Variants in CCDC178 observed in about 807,000 individuals in gnomAD.
The protein encoded by CCDC178 is coiled-coil domain-containing protein 178.
CCDC178 carries 126 observed loss-of-function variants against 117.4 expected under a neutral mutation model. The ratio of observed to expected loss-of-function variants is 1.07; its 90% CI spans 0.93 to 1.24. The LOEUF (loss-of-function observed/expected upper bound fraction) is 1.24. CCDC178 is among the 50% of genes most tolerant of loss of function. CCDC178 has a pLI of 0.00. For synonymous variants in CCDC178, 283 were observed against 313.4 expected (o/e 0.90, Z 1.02); for missense variants, 1,030 against 986.9 (o/e 1.04, Z -0.59).
chr18:33,249,486 G>C (rs898866947), intron 14 of CCDC178, among the ~76,000 whole-genome samples: 1 of 152,036 alleles, frequency 6.6e-6, no homozygotes, highest in South Asian at 2.1e-4. Flanking sequence ...TTCTACCTAT[G>C]GCTAGCTAGT....
chr18:33,321,778 T>C (rs188795675), intron 11 of CCDC178, among the ~76,000 whole-genome samples: 186 of 151,374 alleles, frequency 1.2e-3, no homozygotes, highest in African/African-American at 4.5e-3. Context: ...ATGTGGCAAA[T>C]AGAGTAAGTT....
chr18:33,194,976 AG>A (rs1245884044), intron 20 of CCDC178, among the ~76,000 whole-genome samples: 2 of 149,420 alleles, frequency 1.3e-5, no homozygotes, highest in African/African-American at 4.9e-5. Flanking sequence ...GAAAATAGCC[AG>A]GTGCAGTGGT....
intron 9 of CCDC178, among the ~76,000 whole-genome samples, chr18:33,335,666 TA>T (rs2062730492): frequency 1.3e-5 from 2 of 152,080 alleles, no homozygotes; most frequent in Admixed American, 1.3e-4. Flanking sequence ...TTATGTAATA[TA>T]TTTTTCATTT....
intron 5 of CCDC178, among the ~76,000 whole-genome samples, chr18:33,371,818 C>CACACAT (rs1427770794): frequency 6.7e-6 from 1 of 149,230 alleles, no homozygotes; most frequent in Admixed American, 6.7e-5. Context: ...CACACACACA[C>CACACAT]ATATGTAATA....
In CCDC178 at chr18:33,245,311, G is replaced by C. The variant is rs1308572030; in HGVS notation, c.1527C>G (p.Phe509Leu). ...YKEAYRIGTLFHLTKHKTDEM... is the reference protein window; with the variant it reads ...YKEAYRIGTLLHLTKHKTDEM... ...CATCTGTCTTGTGTTTGGTTAGGTG[G>C]AAAAGAGTACCAATGCGATAAGCCT... The change falls in exon 15 of 23, where the codon TTC (phenylalanine) becomes TTG (leucine). Residue 509 changes from phenylalanine to leucine, a missense_variant. Coordinates refer to ENST00000383096, the MANE Select transcript of CCDC178 (RefSeq NM_001105528.4). The C allele has an allele frequency of 6.2e-7, 1 of 1,606,498 alleles. No homozygotes were observed. Among genetic ancestry groups the C allele is most frequent in the Non-Finnish European group, 8.5e-7 (1 of 1,176,544 alleles).
intron 22 of CCDC178, among the ~76,000 whole-genome samples, chr18:32,962,598 C>T (rs1226836647): frequency 6.6e-6 from 1 of 151,970 alleles, no homozygotes; most frequent in East Asian, 1.9e-4. Context: ...CTTCTAGTCT[C>T]CATTTTTTCT....
intron 20 of CCDC178, among the ~76,000 whole-genome samples, chr18:33,184,713 A>T (rs1038845908): frequency 1.3e-5 from 2 of 152,068 alleles, no homozygotes; most frequent in Admixed American, 6.6e-5. Context: ...TTCCAATTAT[A>T]TTTCCTTTAG....
At chr18:33,253,066 A>G (rs1311029866) in intron 14 of CCDC178, among the ~76,000 whole-genome samples, 1 of 151,850 alleles carries the variant, frequency 6.6e-6, no homozygotes, top group African/African-American at 2.4e-5. Flanking sequence ...TGTTTGCTCA[A>G]GTCAAATGTC....
chr18:33,258,867 G>T lies in CCDC178; in HGVS notation c.1409+8049C>A, dbSNP rs2059710160. Among the ~76,000 whole-genome samples, 5 of 152,132 alleles carry T rather than the reference G, an allele frequency of 3.3e-5. No homozygotes were observed. In the South Asian group the frequency reaches 1.0e-3, roughly 32 times the overall value. ...GAAGCTATTTCTCAAAGTGCTAAAAGATAAAAATTATTAATCTCTATATTA... is the reference window on the plus strand; with the variant it reads ...GAAGCTATTTCTCAAAGTGCTAAAATATAAAAATTATTAATCTCTATATTA... On this transcript the variant is annotated intron_variant, in intron 14 of 22. Transcript: ENST00000383096.
At chr18:33,427,455 TC>T (rs201270574) in intron 2 of CCDC178, among the ~76,000 whole-genome samples, 1,685 of 152,244 alleles carry the variant, frequency 0.011, 36 homozygotes, top group African/African-American at 0.039. Flanking sequence ...ATATCATTGT[TC>T]CACATCTTTC....
chr18:33,245,456 T>A, intron 14 of CCDC178, 28 bp from the exon 15 acceptor site: 1 of 1,453,298 alleles, frequency 6.9e-7, no homozygotes, highest in Non-Finnish European at 9.2e-7. Flanking sequence ...AAATTAATAT[T>A]ATTGAGTATA....
chr18:33,403,334 G>A (rs1010239069), intron 3 of CCDC178, among the ~76,000 whole-genome samples: 1 of 152,002 alleles, frequency 6.6e-6, no homozygotes, highest in Non-Finnish European at 1.5e-5. Flanking sequence ...GGCCACAGAG[G>A]GCTTCAGAGA....
At chr18:33,113,988 T>C (rs1741861514) in intron 20 of CCDC178, among the ~76,000 whole-genome samples, 3 of 152,014 alleles carry the variant, frequency 2.0e-5, no homozygotes, top group Admixed American at 1.3e-4. Flanking sequence ...GCCAGCATTA[T>C]TATAGATGCT....
intron 11 of CCDC178, among the ~76,000 whole-genome samples, chr18:33,317,413 G>A (rs1204433591): frequency 6.6e-6 from 1 of 152,128 alleles, no homozygotes; most frequent in African/African-American, 2.4e-5. Flanking sequence ...AACAAACTCT[G>A]GACACGCCGC....
chr18:32,977,357 G>A (rs977848544), intron 21 of CCDC178, among the ~76,000 whole-genome samples: 51 of 152,098 alleles, frequency 3.4e-4, no homozygotes, highest in Non-Finnish European at 7.2e-4. Flanking sequence ...CAAGGGTTCC[G>A]TAGACCTTTG....
chr18:33,011,594 T>C (rs763818073), intron 21 of CCDC178, among the ~76,000 whole-genome samples: 20 of 151,734 alleles, frequency 1.3e-4, no homozygotes, highest in Non-Finnish European at 8.8e-5. Context: ...ATTAGCAACA[T>C]GAAACAAAGA....
In CCDC178 at chr18:33,335,516, G is replaced by C. The variant is rs368011927; in HGVS notation, c.659-2122C>G. Among the ~76,000 whole-genome samples, 17 of 151,812 alleles carry C rather than the reference G, an allele frequency of 1.1e-4. No individual in the cohort carries two copies. The East Asian group carries it at 3.3e-3, about 29-fold the overall frequency. On this transcript the variant is annotated intron_variant, in intron 9 of 22. Transcript: ENST00000383096. ...TTCATGATGCCCTCTCATTCTATATGCCATGTTTTAAATATTTTATTTATA... is the reference window on the plus strand; with the variant it reads ...TTCATGATGCCCTCTCATTCTATATCCCATGTTTTAAATATTTTATTTATA...
chr18:33,026,490 G>A (rs2056232345), intron 21 of CCDC178, among the ~76,000 whole-genome samples: 1 of 152,012 alleles, frequency 6.6e-6, no homozygotes, highest in African/African-American at 2.4e-5. Context: ...CAAAGTTGGT[G>A]AAAGAGTTCA....
intron 21 of CCDC178, among the ~76,000 whole-genome samples, chr18:32,981,503 AC>A (rs1352551548): frequency 6.6e-6 from 1 of 152,186 alleles, no homozygotes; most frequent in Non-Finnish European, 1.5e-5. Flanking sequence ...TTTATATATA[AC>A]TCTGTAAATT....
Sources: gnomAD v4.1 joint callset for allele counts (sites outside exome capture counted in the v4.1 genomes callset) on GRCh38, gnomAD v4.1.1 for gene constraint, MANE v1.5 for transcripts, NCBI Gene and HGNC (gene_info 2026-07-23, HGNC 2026-07-21) for gene names.